Variants in NFIC observed in about 807,000 individuals in gnomAD.
The protein encoded by NFIC is nuclear factor 1 C-type.
Under a neutral mutation model 54.4 loss-of-function variants are expected in NFIC, and 12 were observed. The observed-to-expected ratio is 0.22, with a 90% CI of 0.14 to 0.36. NFIC has a LOEUF of 0.36. Ranked by LOEUF, NFIC falls within the 10% of genes least tolerant of loss-of-function variation. The pLI, the probability that NFIC is intolerant of heterozygous loss-of-function variation, is 1.00. For synonymous variants in NFIC, 322 were observed against 319.2 expected (o/e 1.01, Z -0.09); for missense variants, 575 against 718.2 (o/e 0.80, Z 2.28).
intron 2 of NFIC, among the ~76,000 whole-genome samples, chr19:3,401,288 C>G (rs1232864618): frequency 6.6e-6 from 1 of 152,052 alleles, no homozygotes; most frequent in Non-Finnish European, 1.5e-5. Flanking sequence ...CAGGTGCTCA[C>G]AGGCACCCTC....
chr19:3,387,560 A>T (rs2081316452), intron 2 of NFIC, among the ~76,000 whole-genome samples: 1 of 150,334 alleles, frequency 6.7e-6, no homozygotes, highest in Admixed American at 6.6e-5. Context: ...TAAAGCAGGG[A>T]GGGACATGGA....
intron 6 of NFIC, among the ~76,000 whole-genome samples, chr19:3,441,221 A>G (rs2082288864): frequency 6.6e-6 from 1 of 152,228 alleles, no homozygotes; most frequent in Non-Finnish European, 1.5e-5. Flanking sequence ...CAAAGAGGTG[A>G]CATCACCTGC....
chr19:3,428,167 G>A (rs1255328979), intron 3 of NFIC, among the ~76,000 whole-genome samples: 2 of 112,608 alleles, frequency 1.8e-5, no homozygotes, highest in African/African-American at 5.9e-5. Context: ...TAAAAACTCC[G>A]TCTCAAAAAA....
chr19:3,463,908 C>A lies in NFIC; in HGVS notation c.*1139C>A, dbSNP rs2082679122. 2.1e-5 allele frequency: 20 copies of A among 969,878 alleles called. No individual in the cohort carries two copies. Among genetic ancestry groups the A allele is most frequent in the Non-Finnish European group, 2.3e-5 (19 of 816,056 alleles). The allele number at this position is 969,878 out of a possible 1,614,324, so 60.1% of individuals were successfully genotyped here. The stretch of plus-strand genomic sequence containing the variant: ...CGGAATGGCCGCGGGCCTCCTCCCC[C>A]TCCCCTCCAGCCTCTCCACCAGCCC... On this transcript the variant is annotated 3_prime_UTR_variant, in exon 11 of 11. Transcript: ENST00000443272.
At chr19:3,451,509 C>T (rs915253658) in intron 7 of NFIC, among the ~76,000 whole-genome samples, 5 of 151,716 alleles carry the variant, frequency 3.3e-5, no homozygotes, top group African/African-American at 4.8e-5. Context: ...TGGCACACGC[C>T]GGCAGTCCGT....
rs1198939381 is a variant in NFIC at position 3,381,982 on chromosome 19, G to A, written c.301G>A (p.Ala101Thr). 2 of 1,613,314 alleles carry A rather than the reference G, an allele frequency of 1.2e-6. No individual in the cohort carries two copies. The highest frequency in any genetic ancestry group is 3.3e-5 in the Admixed American group (2 of 59,994). Residue 101 changes from alanine to threonine, a missense_variant, in exon 2 of 11, where the codon GCG becomes ACG. Coordinates refer to ENST00000443272, the MANE Select transcript of NFIC (RefSeq NM_001245002.2). Reference sequence around the variant, plus strand: ...CGTGCTGAGCATCACCGGCAAGAAGGCGCCGGGCTGCGTGCTCTCCAACCC... The same window carrying A: ...CGTGCTGAGCATCACCGGCAAGAAGACGCCGGGCTGCGTGCTCTCCAACCC... Reference protein sequence around the residue: ...DFVLSITGKKAPGCVLSNPDQ... With the variant: ...DFVLSITGKKTPGCVLSNPDQ...
At chr19:3,367,999 C>T (rs1365698014) in intron 1 of NFIC, among the ~76,000 whole-genome samples, 2 of 152,176 alleles carry the variant, frequency 1.3e-5, no homozygotes, top group African/African-American at 4.8e-5. Context: ...TCTGTCCTAC[C>T]TGTGATCCCC....
intron 2 of NFIC, among the ~76,000 whole-genome samples, chr19:3,393,816 CAA>C (rs35101011): frequency 0.032 from 1,796 of 55,570 alleles, 20 homozygotes; most frequent in African/African-American, 0.12. Context: ...GACTCTGTCT[CAA>C]AAAAAAAAAA....
chr19:3,440,147 C>G (rs1023670264), intron 6 of NFIC, among the ~76,000 whole-genome samples: 3 of 152,110 alleles, frequency 2.0e-5, no homozygotes, highest in African/African-American at 4.8e-5. Context: ...GGAGGGCATT[C>G]CCAGCAGGGA....
rs1271082701 is a variant in NFIC, at chr19:3,465,335, G to T, written c.*2566G>T. ...TGCTCGTGTAGTTTAAAAAAAAAAA[G>T]ACAAAACAGTGACATGAAATAAAAA... On this transcript the variant is annotated 3_prime_UTR_variant, in exon 11 of 11. Transcript: ENST00000443272. The T allele has an allele frequency of 1.0e-5, 1 of 97,882 alleles. No homozygotes were observed. The highest frequency in any genetic ancestry group is 2.2e-5 in the Non-Finnish European group (1 of 45,936). 6.1% of individuals were successfully genotyped at this position (97,882 alleles called of 1,614,324 possible).
At chr19:3,367,197 C>T (rs1054848832) in intron 1 of NFIC, among the ~76,000 whole-genome samples, 2 of 152,212 alleles carry the variant, frequency 1.3e-5, no homozygotes, top group Admixed American at 1.3e-4. Context: ...CCCTCGGTCG[C>T]CTTTCCCTCG....
intron 2 of NFIC, among the ~76,000 whole-genome samples, chr19:3,417,708 C>T (rs1349489347): frequency 1.3e-5 from 2 of 150,414 alleles, no homozygotes; most frequent in Non-Finnish European, 3.0e-5. Flanking sequence ...TCACTGCAAC[C>T]TCTGCCTCCC....
chr19:3,422,832 GA>G (rs1285672150), intron 2 of NFIC, among the ~76,000 whole-genome samples: 10 of 152,238 alleles, frequency 6.6e-5, no homozygotes, highest in African/African-American at 2.4e-4. Flanking sequence ...TAACCCTGGT[GA>G]AAAAGCCCAT....
intron 7 of NFIC, among the ~76,000 whole-genome samples, chr19:3,451,558 G>A (rs1430200168): frequency 6.6e-6 from 1 of 151,882 alleles, no homozygotes; most frequent in African/African-American, 2.4e-5. Flanking sequence ...CTGAGGTCAG[G>A]AGGTCAAGGC....
chr19:3,463,759 A>G lies in NFIC; in HGVS notation c.*990A>G, dbSNP rs987125804. The G allele has an allele frequency of 7.3e-4, 715 of 985,042 alleles. 1 individual carries two copies. Among genetic ancestry groups the G allele is most frequent in the Non-Finnish European group, 8.2e-4 (683 of 829,918 alleles). The allele number at this position is 985,042 out of a possible 1,614,324, so 61.0% of individuals were successfully genotyped here. Reference sequence around the variant, plus strand: ...GGGATGGGGGAGCCCGGACACCCAGAGCTCCCCGAGTTGGGGGTGCCCGTC... The same window carrying G: ...GGGATGGGGGAGCCCGGACACCCAGGGCTCCCCGAGTTGGGGGTGCCCGTC... On this transcript the variant is annotated 3_prime_UTR_variant, in exon 11 of 11. Coordinates refer to ENST00000443272, the MANE Select transcript of NFIC (RefSeq NM_001245002.2).
chr19:3,368,586 C>A (rs971863029), intron 1 of NFIC, among the ~76,000 whole-genome samples: 1 of 152,174 alleles, frequency 6.6e-6, no homozygotes, highest in Non-Finnish European at 1.5e-5. Flanking sequence ...GACAGCGAGT[C>A]CCAAGTGCAG....
At chr19:3,364,528 GAA>G (rs1264713582), upstream of NFIC, among the ~76,000 whole-genome samples, 1 of 152,218 alleles carries the variant, frequency 6.6e-6, no homozygotes, top group East Asian at 1.9e-4. Context: ...TACACTTGCA[GAA>G]GTTTCTCCCT....
intron 2 of NFIC, among the ~76,000 whole-genome samples, chr19:3,422,171 A>T (rs1568438440): frequency 6.6e-6 from 1 of 151,966 alleles, no homozygotes; most frequent in Non-Finnish European, 1.5e-5. Context: ...CCTGAGCTCA[A>T]AGTGATCTGC....
chr19:3,449,462 C>T (rs1462648309), intron 7 of NFIC, among the ~76,000 whole-genome samples: 1 of 151,812 alleles, frequency 6.6e-6, no homozygotes, highest in Non-Finnish European at 1.5e-5. Flanking sequence ...CAGGCAGGAT[C>T]AGAAGCTGCC....
Sources: allele counts gnomAD v4.1 joint callset (sites outside exome capture counted in the v4.1 genomes callset), GRCh38; gene constraint gnomAD v4.1.1; transcripts MANE v1.5; gene names NCBI Gene and HGNC (gene_info 2026-07-23, HGNC 2026-07-21).